The following EYS variants were observed in gnomAD, a reference collection of about 807,000 sequenced individuals.
EYS encodes EGF-like photoreceptor maintenance factor, also known as protein eyes shut homolog.
Under a neutral mutation model 282.1 loss-of-function variants are expected in EYS, and 250 were observed. That is an observed-to-expected ratio of 0.89 (90% CI 0.80 to 0.98). EYS has a LOEUF of 0.98. EYS is among the 50% of genes least tolerant of loss of function. The pLI, the probability that EYS is intolerant of heterozygous loss-of-function variation, is 0.00. For missense variants in EYS, 4,016 were observed against 3,709.0 expected (o/e 1.08, Z -2.15); for synonymous variants, 1,355 against 1,282.9 (o/e 1.06, Z -1.20).
chr6:64,771,426 C>T (rs1773519248), intron 22 of EYS, among the ~76,000 whole-genome samples: 1 of 139,326 alleles, frequency 7.2e-6, no homozygotes, highest in East Asian at 1.9e-4. Flanking sequence ...CTTAGGAATG[C>T]TCTCTCTACT....
chr6:64,013,164 T>C (rs1302935638), intron 33 of EYS, among the ~76,000 whole-genome samples: 2 of 152,186 alleles, frequency 1.3e-5, no homozygotes, highest in Non-Finnish European at 2.9e-5. Flanking sequence ...AAACTTCACT[T>C]ACTCCCTTGA....
chr6:64,838,046 C>A (rs1765441608), intron 19 of EYS, among the ~76,000 whole-genome samples: 1 of 134,484 alleles, frequency 7.4e-6, no homozygotes, highest in Non-Finnish European at 1.6e-5. Flanking sequence ...TTATATATAA[C>A]CAATTTGTTT....
intron 1 of EYS, among the ~76,000 whole-genome samples, chr6:65,701,104 T>C (rs1769657645): frequency 6.6e-6 from 1 of 152,124 alleles, no homozygotes; most frequent in Middle Eastern, 3.2e-3. Context: ...TTCTCAGGAG[T>C]ATATATCCAG....
intron 36 of EYS, among the ~76,000 whole-genome samples, chr6:63,827,432 A>G (rs1398521516): frequency 6.6e-6 from 1 of 152,240 alleles, no homozygotes; most frequent in Non-Finnish European, 1.5e-5. Flanking sequence ...TAACAGATAT[A>G]TACAGAACAT....
At chr6:63,881,496 C>G (rs1246131215) in intron 35 of EYS, among the ~76,000 whole-genome samples, 1 of 152,102 alleles carries the variant, frequency 6.6e-6, no homozygotes, top group African/African-American at 2.4e-5. Flanking sequence ...TAAAAATATA[C>G]TTTGGTAACT....
At chr6:65,110,562 C>G (rs762370983) in intron 12 of EYS, among the ~76,000 whole-genome samples, 7 of 151,848 alleles carry the variant, frequency 4.6e-5, no homozygotes, top group Non-Finnish European at 1.0e-4. Flanking sequence ...GCTTTCCAGA[C>G]AGAAATAAGA....
chr6:64,508,934 A>G (rs925940372), intron 26 of EYS, among the ~76,000 whole-genome samples: 1 of 152,022 alleles, frequency 6.6e-6, no homozygotes, highest in South Asian at 2.1e-4. Context: ...CAGATCTAGT[A>G]TCTTTCTCTG....
intron 31 of EYS, among the ~76,000 whole-genome samples, chr6:64,212,105 G>C (rs927698207): frequency 6.6e-6 from 1 of 151,818 alleles, no homozygotes; most frequent in African/African-American, 2.4e-5. Context: ...AACAGATTGG[G>C]ACTCTGTCTC....
At chr6:65,260,122 T>C (rs1428408020) in intron 12 of EYS, among the ~76,000 whole-genome samples, 1 of 152,066 alleles carries the variant, frequency 6.6e-6, no homozygotes, top group African/African-American at 2.4e-5. Flanking sequence ...AGCAAGCTTC[T>C]TCTCAAGGCA....
chr6:64,704,204 T>TC (rs553079599), intron 22 of EYS, among the ~76,000 whole-genome samples: 193 of 151,230 alleles, frequency 1.3e-3, no homozygotes, highest in African/African-American at 4.4e-3. Context: ...AAAAAATATA[T>TC]CAGGAAAAAT....
intron 12 of EYS, among the ~76,000 whole-genome samples, chr6:65,180,213 A>C (rs1051387927): frequency 1.4e-4 from 21 of 151,950 alleles, no homozygotes; most frequent in Non-Finnish European, 2.4e-4. Context: ...CAGGGAAGTC[A>C]GGCAGGAGAA....
At chr6:65,635,205 C>T (rs79739949) in intron 2 of EYS, among the ~76,000 whole-genome samples, 3,841 of 152,236 alleles carry the variant, frequency 0.025, 74 homozygotes, top group East Asian at 0.072. Flanking sequence ...GTGCATAACC[C>T]ACCTCAACCC....
intron 26 of EYS, among the ~76,000 whole-genome samples, chr6:64,481,816 T>C (rs543163203): frequency 9.2e-5 from 14 of 151,792 alleles, no homozygotes; most frequent in African/African-American, 2.7e-4. Context: ...CAAGCTATTT[T>C]AAAATACCTA....
At chr6:64,408,804 T>G (rs543013963) in intron 28 of EYS, among the ~76,000 whole-genome samples, 3 of 152,284 alleles carry the variant, frequency 2.0e-5, no homozygotes, top group Admixed American at 6.5e-5. Context: ...GTAAGTGTGA[T>G]TTTTGCTATG....
At chr6:64,695,274 T>C (rs1281688378) in intron 22 of EYS, among the ~76,000 whole-genome samples, 1 of 152,010 alleles carries the variant, frequency 6.6e-6, no homozygotes, top group East Asian at 1.9e-4. Flanking sequence ...TGCAGCTGAC[T>C]CCCACCTGAA....
At chr6:64,629,680 C>G (rs1767718956) in intron 22 of EYS, among the ~76,000 whole-genome samples, 2 of 152,020 alleles carry the variant, frequency 1.3e-5, no homozygotes, top group African/African-American at 4.8e-5. Context: ...TTCCGATATT[C>G]CAGTGTTCAT....
intron 8 of EYS, among the ~76,000 whole-genome samples, chr6:65,355,309 T>G (rs1025489033): frequency 3.6e-5 from 1 of 27,556 alleles, no homozygotes; most frequent in African/African-American, 7.5e-5. Context: ...AAATCACCAC[T>G]AAAGACTTAT....
At chr6:65,279,324 A>T (rs1425607147) in intron 12 of EYS, among the ~76,000 whole-genome samples, 5 of 151,848 alleles carry the variant, frequency 3.3e-5, no homozygotes, top group Admixed American at 6.6e-5. Context: ...TTTTTTCTAG[A>T]TCTCTGCTTA....
chr6:65,553,923 T>C (rs1328750619), intron 2 of EYS, among the ~76,000 whole-genome samples: 2 of 152,210 alleles, frequency 1.3e-5, no homozygotes, highest in Non-Finnish European at 2.9e-5. Flanking sequence ...TGTTATAAAC[T>C]TCATATATGT....
Sources: allele counts gnomAD v4.1 joint callset (sites outside exome capture counted in the v4.1 genomes callset), GRCh38; gene constraint gnomAD v4.1.1; transcripts MANE v1.5; gene names NCBI Gene and HGNC (gene_info 2026-07-23, HGNC 2026-07-21).